Variants in ADAP2 observed in about 807,000 individuals in gnomAD.
ADAP2 encodes ArfGAP with dual PH domains 2.
In ADAP2, 42 loss-of-function variants were observed where a neutral mutation model predicts 54.9. That is an observed-to-expected ratio of 0.77 (90% CI 0.60 to 0.99). The LOEUF is 0.99. ADAP2 is among the 50% of genes least tolerant of loss of function. The pLI is 0.00. For missense variants in ADAP2, 429 were observed against 480.4 expected (o/e 0.89, Z 1.00); for synonymous variants, 177 against 180.1 (o/e 0.98, Z 0.14).
chr17:30,945,521 G>A (rs1349913795), intron 6 of ADAP2, among the ~76,000 whole-genome samples: 1 of 152,128 alleles, frequency 6.6e-6, no homozygotes, highest in East Asian at 1.9e-4. Flanking sequence ...GGAAGCCAAG[G>A]CAGGTGGATC....
At chr17:30,942,219 TAC>T (rs1912325549) in intron 5 of ADAP2, among the ~76,000 whole-genome samples, 2 of 152,168 alleles carry the variant, frequency 1.3e-5, no homozygotes, top group African/African-American at 4.8e-5. Context: ...TTAATACGGG[TAC>T]ACTTTATTGT....
intron 5 of ADAP2, among the ~76,000 whole-genome samples, chr17:30,937,673 G>A (rs978791904): frequency 1.3e-5 from 2 of 152,120 alleles, no homozygotes; most frequent in African/African-American, 4.8e-5. Flanking sequence ...GGTTAGAAGT[G>A]GTCAGATTCT....
rs1206791707 is a variant in ADAP2, at chr17:30,922,023, T to C, written c.9T>C (p.Asp3=). The C allele has an allele frequency of 2.3e-6, 3 of 1,278,124 alleles. No individual in the cohort carries two copies. The highest frequency in any genetic ancestry group is 2.0e-6 in the Non-Finnish European group (2 of 1,017,106). The allele number at this position is 1,278,124 out of a possible 1,614,324, so 79.2% of individuals were successfully genotyped here. A position where few individuals can be genotyped will look rare whatever the true frequency, so the allele number is the denominator to read the frequency against. The change falls in exon 1 of 11, where the codon GAT becomes GAC. Residue 3 remains aspartate, a synonymous_variant. Coordinates refer to ENST00000330889, the MANE Select transcript of ADAP2 (RefSeq NM_018404.3). Reference sequence around the variant, plus strand: ...AGCCCGCCGGGCCGGCCATGGGCGATCGCGAGCGCAACAAGAAGCGGCTGC... The same window carrying C: ...AGCCCGCCGGGCCGGCCATGGGCGACCGCGAGCGCAACAAGAAGCGGCTGC... MG[D]RERNKKRLLE...
Position 30,927,662 on chromosome 17 carries a change from C to G in ADAP2, c.317+744C>G, listed in dbSNP as rs1173204004. Among the ~76,000 whole-genome samples the G allele has an allele frequency of 2.0e-5, 3 of 151,674 alleles. No homozygotes were observed. The South Asian group carries it at 6.2e-4, about 32-fold the overall frequency. Reference sequence around the variant, plus strand: ...TAGAAATATGTCTAGGGCTCTGCCACCTAAGCTCGGGCTGGCTCTAAACAA... The same window carrying G: ...TAGAAATATGTCTAGGGCTCTGCCAGCTAAGCTCGGGCTGGCTCTAAACAA... On this transcript the variant is annotated intron_variant, in intron 3 of 10. Coordinates refer to ENST00000330889, the MANE Select transcript of ADAP2 (RefSeq NM_018404.3).
chr17:30,951,740 C>T (rs1904659617), intron 7 of ADAP2, among the ~76,000 whole-genome samples: 1 of 151,086 alleles, frequency 6.6e-6, no homozygotes, highest in Admixed American at 6.6e-5. Flanking sequence ...ACTGCAAGCT[C>T]CGCCTCCCAG....
chr17:30,922,218 C>T (rs1248985407), intron 1 of ADAP2, 110 bp downstream of exon 1: 7 of 789,560 alleles, frequency 8.9e-6, no homozygotes, highest in Non-Finnish European at 1.2e-5. Context: ...TGGACCCAGA[C>T]GTGGCACCTG....
intron 2 of ADAP2, among the ~76,000 whole-genome samples, chr17:30,925,994 A>G (rs751924263): frequency 6.6e-6 from 1 of 152,168 alleles, no homozygotes; most frequent in Admixed American, 6.6e-5. Flanking sequence ...GGCCTCCCAC[A>G]GTGCTGGGAT....
At chr17:30,933,847 CCATATGTAT>C (rs1911678235) in intron 4 of ADAP2, among the ~76,000 whole-genome samples, 1 of 152,142 alleles carries the variant, frequency 6.6e-6, no homozygotes, top group Non-Finnish European at 1.5e-5. Flanking sequence ...TTGGGCAGGA[CCATATGTAT>C]TTAGTATGTA....
At chr17:30,944,545 C>T (rs1367037231) in intron 5 of ADAP2, among the ~76,000 whole-genome samples, 2 of 152,188 alleles carry the variant, frequency 1.3e-5, no homozygotes, top group Admixed American at 1.3e-4. Flanking sequence ...CTGCAACCTC[C>T]ACCTCCCAGG....
At chr17:30,954,250 A>C (rs887237089) in intron 8 of ADAP2, 17 of 433,888 alleles carry the variant, frequency 3.9e-5, no homozygotes, top group Non-Finnish European at 6.3e-5. Context: ...AGCAGGGTGA[A>C]GCTGGCAAAG....
intron 5 of ADAP2, among the ~76,000 whole-genome samples, chr17:30,942,357 A>G (rs1220526413): frequency 6.6e-6 from 1 of 152,210 alleles, no homozygotes; most frequent in African/African-American, 2.4e-5. Context: ...TATATGGGGA[A>G]AGGGGAACTA....
intron 10 of ADAP2, chr17:30,956,677 G>C: frequency 1.7e-6 from 1 of 595,320 alleles, no homozygotes; most frequent in Admixed American, 3.0e-5. Flanking sequence ...TCCCCTAACC[G>C]AGCCCTTCCC....
chr17:30,931,930 G>A lies in ADAP2; in HGVS notation c.359G>A (p.Arg120Gln), dbSNP rs376868292. Residue 120 changes from arginine (R) to glutamine (Q), a missense_variant, in exon 4 of 11, where the codon CGG (arginine) becomes CAG (glutamine). Arg to Gln is a conservative substitution (Grantham distance 43). Transcript: ENST00000330889. The stretch of plus-strand genomic sequence containing the variant: ...TGGATTCGAGCTAAGTATGAGAGAC[G>A]GGAATTTATGGCTGATGGGGAAACC... ...EQWIRAKYER[R>Q]EFMADGETIS... 1.4e-5 allele frequency: 23 copies of A among 1,613,836 alleles called. No homozygotes were observed. Among genetic ancestry groups the A allele is most frequent in the African/African-American group, 6.7e-5 (5 of 74,862 alleles).
chr17:30,945,677 G>A (rs1042627339), intron 6 of ADAP2, among the ~76,000 whole-genome samples: 6 of 151,836 alleles, frequency 4.0e-5, no homozygotes, highest in African/African-American at 1.5e-4. Context: ...GATCGCTTGA[G>A]CCTGGGAGGT....
intron 2 of ADAP2, among the ~76,000 whole-genome samples, chr17:30,924,580 C>T (rs1054587806): frequency 2.0e-5 from 3 of 152,156 alleles, no homozygotes; most frequent in Non-Finnish European, 4.4e-5. Flanking sequence ...CAGTTCTGCA[C>T]TGTGCGGGTT....
chr17:30,938,714 T>A (rs1385560721), intron 5 of ADAP2, among the ~76,000 whole-genome samples: 1 of 152,134 alleles, frequency 6.6e-6, no homozygotes, highest in Non-Finnish European at 1.5e-5. Flanking sequence ...TATTATATAT[T>A]CCCCCTGTTG....
In ADAP2 at chr17:30,956,322, C is replaced by G. The variant is rs778201110; in HGVS notation, c.964C>G (p.Arg322Gly). 20 of 1,614,184 alleles carry G rather than the reference C, an allele frequency of 1.2e-5. No individual in the cohort carries two copies. In the South Asian group the frequency reaches 2.0e-4, roughly 16 times the overall value. The change falls in exon 10 of 11, where the codon CGA becomes GGA. Residue 322 changes from arginine to glycine, a missense_variant. Transcript: ENST00000330889. ...CTACGAAGACCTGCCCAAGGGCATC[C>G]GAGGAAATCGCTGGAAAGCCGGACT... The part of the protein sequence containing the change: ...EAYEDLPKGI[R>G]GNRWKAGLTI...
chr17:30,928,658 A>G (rs1045494291), intron 3 of ADAP2, among the ~76,000 whole-genome samples: 7 of 152,356 alleles, frequency 4.6e-5, no homozygotes, highest in Admixed American at 1.3e-4. Context: ...ATACTGGTCT[A>G]GCCTGTCTGA....
At chr17:30,932,702 T>C (rs1055583618) in intron 4 of ADAP2, among the ~76,000 whole-genome samples, 3 of 151,630 alleles carry the variant, frequency 2.0e-5, no homozygotes, top group African/African-American at 7.3e-5. Context: ...CTCAGCCTCC[T>C]GAGTAGCTGG....
Sources: allele counts gnomAD v4.1 joint callset (sites outside exome capture counted in the v4.1 genomes callset), GRCh38; gene constraint gnomAD v4.1.1; transcripts MANE v1.5; gene names NCBI Gene and HGNC (gene_info 2026-07-23, HGNC 2026-07-21).